PPP2R1A: variants seen among roughly 807,000 people sequenced by gnomAD.
PPP2R1A encodes serine/threonine-protein phosphatase 2A 65 kDa regulatory subunit A alpha isoform.
In PPP2R1A, 15 loss-of-function variants were observed where a neutral mutation model predicts 67.1. The observed-to-expected ratio is 0.22, with a 90% CI of 0.15 to 0.34. The LOEUF (loss-of-function observed/expected upper bound fraction) is 0.34. Among genes scored for constraint, PPP2R1A ranks in the 10% least tolerant of loss-of-function variants. The pLI is 1.00. For synonymous variants in PPP2R1A, 337 were observed against 325.0 expected (o/e 1.04, Z -0.40); for missense variants, 369 against 775.0 (o/e 0.48, Z 6.22).
At chr19:52,193,073 A>T (rs1038625578) in intron 1 of PPP2R1A, among the ~76,000 whole-genome samples, 2 of 152,238 alleles carry the variant, frequency 1.3e-5, no homozygotes, top group African/African-American at 4.8e-5. Context: ...AGTACAGAGG[A>T]ATATCACTGA....
At chr19:52,201,893 C>G in intron 1 of PPP2R1A, 51 bp from the exon 2 acceptor site, 1 of 1,544,518 alleles carries the variant, frequency 6.5e-7, no homozygotes. Flanking sequence ...AGAACTCACG[C>G]GTGTCTGGGA....
chr19:52,199,461 G>A (rs142194908), intron 1 of PPP2R1A, among the ~76,000 whole-genome samples: 1 of 152,268 alleles, frequency 6.6e-6, no homozygotes, highest in Non-Finnish European at 1.5e-5. Flanking sequence ...GAGCCACTGC[G>A]CCTGGCCTCC....
chr19:52,222,015 C>G (rs1978964507), intron 12 of PPP2R1A, 84 bp from the exon 13 acceptor site: 10 of 1,397,598 alleles, frequency 7.2e-6, no homozygotes, highest in Middle Eastern at 2.4e-4. Context: ...TGATGATCAC[C>G]AGAGTGGCCT....
At position 52,196,602 on chromosome 19, in the gene PPP2R1A, CAG is replaced by C. The variant is rs1206217476; in HGVS notation, c.79-5339_79-5338del. ...TCTTTGCCAAGAACTAGGTCATATG[CAG>C]AGTTAGTTGAAGTTAAGTTTGGCTG... is the stretch of plus-strand genomic sequence containing the variant. On this transcript the variant is annotated intron_variant, in intron 1 of 14. Coordinates refer to ENST00000322088, the MANE Select transcript of PPP2R1A (RefSeq NM_014225.6). Among the ~76,000 whole-genome samples the C allele has an allele frequency of 3.3e-5, 5 of 152,310 alleles. No individual in the cohort carries two copies. In the East Asian group the frequency reaches 7.7e-4, roughly 23 times the overall value.
intron 13 of PPP2R1A, among the ~76,000 whole-genome samples, chr19:52,223,088 C>T (rs370136964): frequency 2.0e-5 from 3 of 152,158 alleles, no homozygotes; most frequent in South Asian, 2.1e-4. Flanking sequence ...ATATTTAAAT[C>T]GCCCAATAGA....
Position 52,216,093 on chromosome 19 carries a change from G to T in PPP2R1A, c.993+19G>T. On this transcript the variant is annotated intron_variant, in intron 8 of 14. Coordinates refer to ENST00000322088, the MANE Select transcript of PPP2R1A (RefSeq NM_014225.6). This position sits in a 1 kb window ranked among gnomAD's most constrained non-coding sequence, Gnocchi z 4.3. ...CATCAAGGTAACAGAGAGTTTGATG[G>T]GAGGAACCAAGTGGATCCGAGCCTG... The T allele has an allele frequency of 6.2e-7, 1 of 1,604,826 alleles. No individual in the cohort carries two copies. Among genetic ancestry groups the T allele is most frequent in the Non-Finnish European group, 8.5e-7 (1 of 1,171,626 alleles).
chr19:52,200,844 G>A (rs1181278081), intron 1 of PPP2R1A, among the ~76,000 whole-genome samples: 3 of 152,250 alleles, frequency 2.0e-5, no homozygotes, highest in Non-Finnish European at 4.4e-5. Context: ...CTCTTAGAAG[G>A]ACACTGTCAC....
Position 52,211,139 on chromosome 19 carries a change from G to T in PPP2R1A, c.271-121G>T. 6 of 843,238 alleles carry T rather than the reference G, an allele frequency of 7.1e-6. No homozygotes were observed. Among genetic ancestry groups the T allele is most frequent in the Non-Finnish European group, 1.1e-5 (6 of 546,722 alleles). The allele number at this position is 843,238 out of a possible 1,614,324, so 52.2% of individuals were successfully genotyped here. A position where few individuals can be genotyped will look rare whatever the true frequency, so the allele number is the denominator to read the frequency against. On this transcript the variant is annotated intron_variant, in intron 3 of 14. Coordinates refer to ENST00000322088, the MANE Select transcript of PPP2R1A (RefSeq NM_014225.6). The surrounding 1 kb of genome is among the most constrained non-coding windows in gnomAD (Gnocchi z 5.3). ...TTTAAAGGCTATTTTAATGAAGGTC[G>T]GGATGGGTAATAGGGAAGTTTTCTC...
At chr19:52,225,830 G>T in intron 14 of PPP2R1A, 22 bp downstream of exon 14, 2 of 1,612,632 alleles carry the variant, frequency 1.2e-6, no homozygotes, top group African/African-American at 2.7e-5. Flanking sequence ...AAAGCACGGA[G>T]CCCTAGCAGG....
chr19:52,202,742 T>C (rs2089563577), intron 2 of PPP2R1A, among the ~76,000 whole-genome samples: 1 of 152,244 alleles, frequency 6.6e-6, no homozygotes, highest in South Asian at 2.1e-4. Context: ...TCTACCACTT[T>C]CTAGGTGTGT....
intron 1 of PPP2R1A, among the ~76,000 whole-genome samples, chr19:52,197,751 C>G (rs544491930): frequency 6.6e-6 from 1 of 152,258 alleles, no homozygotes; most frequent in South Asian, 2.1e-4. Flanking sequence ...AACCTGGTGG[C>G]TGGGATTCAA....
chr19:52,204,983 A>G (rs1245105188), intron 2 of PPP2R1A, among the ~76,000 whole-genome samples: 1 of 152,248 alleles, frequency 6.6e-6, no homozygotes, highest in Non-Finnish European at 1.5e-5. Flanking sequence ...TAAAATGGAG[A>G]TGATGATAAT....
intron 11 of PPP2R1A, among the ~76,000 whole-genome samples, chr19:52,220,661 A>G (rs1156464894): frequency 1.3e-5 from 2 of 152,114 alleles, no homozygotes; most frequent in African/African-American, 2.4e-5. Flanking sequence ...AAAAGGTAAT[A>G]TTTATCTCTG....
chr19:52,222,985 T>C (rs530886785), intron 13 of PPP2R1A, among the ~76,000 whole-genome samples: 2 of 152,326 alleles, frequency 1.3e-5, no homozygotes, highest in Admixed American at 6.5e-5. Flanking sequence ...TAGTGGAAAA[T>C]TGACACTTCT....
At chr19:52,210,101 T>C (rs2089650040) in intron 3 of PPP2R1A, among the ~76,000 whole-genome samples, 1 of 152,190 alleles carries the variant, frequency 6.6e-6, no homozygotes, top group Non-Finnish European at 1.5e-5. Context: ...TGATTTTTTT[T>C]TTCCTGCTTT....
intron 13 of PPP2R1A, among the ~76,000 whole-genome samples, chr19:52,224,762 C>T (rs1275836110): frequency 3.9e-5 from 6 of 152,112 alleles, no homozygotes; most frequent in Non-Finnish European, 5.9e-5. Context: ...TACAGTGGTG[C>T]GATCTCGGCT....
Position 52,220,243 on chromosome 19 carries a change from G to A in PPP2R1A, c.1357G>A (p.Asp453Asn). 6.2e-7 allele frequency: 1 copy of A among 1,613,982 alleles called. No individual in the cohort carries two copies. Among genetic ancestry groups the A allele is most frequent in the Non-Finnish European group, 8.5e-7 (1 of 1,179,916 alleles). Residue 453 changes from aspartate (D) to asparagine (N), a missense_variant, in exon 11 of 15, where the codon GAT becomes AAT. This residue lies in a region of PPP2R1A where 276 missense variants were observed against 508.4 expected (regional missense o/e 0.54). Coordinates refer to ENST00000322088, the MANE Select transcript of PPP2R1A (RefSeq NM_014225.6). The stretch of plus-strand genomic sequence containing the variant: ...CTCCTTGTGCATGGCCTGGCTTGTG[G>A]ATCATGGTGAGTACCTTCACAGGAG... ...LNSLCMAWLV[D>N]HVYAIREAAT...
chr19:52,203,569 T>C (rs2089572795), intron 2 of PPP2R1A, among the ~76,000 whole-genome samples: 1 of 152,138 alleles, frequency 6.6e-6, no homozygotes, highest in East Asian at 1.9e-4. Context: ...GGGAAAACTC[T>C]GTGACTTTCC....
chr19:52,206,941 G>A (rs137859737), intron 3 of PPP2R1A, among the ~76,000 whole-genome samples: 1 of 152,328 alleles, frequency 6.6e-6, no homozygotes, highest in African/African-American at 2.4e-5. Flanking sequence ...TGGTGTATTA[G>A]TTAGCAGCAG....
Sources: allele counts gnomAD v4.1 joint callset (sites outside exome capture counted in the v4.1 genomes callset), GRCh38; gene constraint gnomAD v4.1.1; regional missense constraint gnomAD v4.1.1; non-coding constraint Gnocchi (gnomAD v3.1); transcripts MANE v1.5; gene names NCBI Gene and HGNC (gene_info 2026-07-23, HGNC 2026-07-21).